Variants in DLG2 observed in about 807,000 individuals in gnomAD.
The protein encoded by DLG2 is disks large homolog 2.
DLG2 carries 45 observed loss-of-function variants against 132.5 expected under a neutral mutation model. The ratio of observed to expected loss-of-function variants is 0.34; its 90% CI spans 0.27 to 0.44. The LOEUF is 0.44. DLG2 is among the 20% of genes least tolerant of loss of function. DLG2 has a pLI of 1.00. For synonymous variants in DLG2, 424 were observed against 419.6 expected, an observed-to-expected ratio of 1.01 and a Z score of -0.13; for missense variants, 1,045 against 1,196.9, an observed-to-expected ratio of 0.87 and a Z score of 1.87.
chr11:84,204,607 A>G (rs947788691), intron 8 of DLG2, among the ~76,000 whole-genome samples: 3 of 152,238 alleles, frequency 2.0e-5, no homozygotes, highest in Non-Finnish European at 4.4e-5. Context: ...TATTATTTAT[A>G]TTAAATGCAA....
chr11:85,178,081 C>T (rs1405117882), intron 4 of DLG2, among the ~76,000 whole-genome samples: 3 of 151,926 alleles, frequency 2.0e-5, no homozygotes, highest in East Asian at 1.9e-4. Flanking sequence ...AGAGCCTGGA[C>T]CAGCAAATTT....
rs1213298818 is a variant in DLG2, at chr11:84,844,105, T to TTG, written c.357+267554_357+267555dup. On this transcript the variant is annotated intron_variant, in intron 6 of 27. Coordinates refer to ENST00000376104, the MANE Select transcript of DLG2 (RefSeq NM_001142699.3). The stretch of plus-strand genomic sequence containing the variant: ...TGTGTGTATATATATATATATATGT[T>TTG]TGTGTGTGTGTGTGTGTGTGTGTGT... Among the ~76,000 whole-genome samples the TTG allele has an allele frequency of 3.0e-3, 246 of 80,906 alleles. 4 individuals carry two copies. In the East Asian group the frequency reaches 0.033, roughly 11 times the overall value. 53.1% of individuals were successfully genotyped at this position (80,906 alleles called of 152,430 possible). A position where few individuals can be genotyped will look rare whatever the true frequency, so the allele number is the denominator to read the frequency against.
At chr11:84,442,647 C>T (rs1443846323) in intron 7 of DLG2, among the ~76,000 whole-genome samples, 1 of 151,534 alleles carries the variant, frequency 6.6e-6, no homozygotes, top group Non-Finnish European at 1.5e-5. Context: ...ACTTGCACAC[C>T]TATCTAACAA....
At chr11:85,065,169 T>C (rs1458687407) in intron 6 of DLG2, among the ~76,000 whole-genome samples, 1 of 151,444 alleles carries the variant, frequency 6.6e-6, no homozygotes, top group African/African-American at 2.4e-5. Flanking sequence ...GTATGTCCTC[T>C]ACTGTGTATC....
chr11:84,814,382 C>G (rs1454466210), intron 6 of DLG2, among the ~76,000 whole-genome samples: 1 of 152,072 alleles, frequency 6.6e-6, no homozygotes, highest in African/African-American at 2.4e-5. Flanking sequence ...CTCTAGATCA[C>G]TGGATTTCAG....
intron 6 of DLG2, among the ~76,000 whole-genome samples, chr11:84,858,546 A>T (rs1054463803): frequency 1.3e-5 from 2 of 152,068 alleles, no homozygotes; most frequent in African/African-American, 4.8e-5. Context: ...ATTGTCTCAT[A>T]TCTTATTTCT....
chr11:83,579,450 C>G (rs1291686142), intron 19 of DLG2, among the ~76,000 whole-genome samples: 1 of 152,116 alleles, frequency 6.6e-6, no homozygotes, highest in African/African-American at 2.4e-5. Context: ...TCGCCACATT[C>G]CTGTGACTGT....
intron 3 of DLG2, among the ~76,000 whole-genome samples, chr11:85,564,543 A>T (rs569806206): frequency 6.6e-6 from 1 of 152,016 alleles, no homozygotes; most frequent in African/African-American, 2.4e-5. Context: ...GTATTTTGCC[A>T]CTTTTGTCAA....
chr11:84,066,481 C>T (rs948522559), intron 10 of DLG2, among the ~76,000 whole-genome samples: 9 of 152,106 alleles, frequency 5.9e-5, no homozygotes, highest in African/African-American at 9.7e-5. Context: ...TGTTTGGGGC[C>T]GGGAGCGATG....
chr11:83,496,839 C>T (rs2094172098), intron 21 of DLG2, among the ~76,000 whole-genome samples: 1 of 152,150 alleles, frequency 6.6e-6, no homozygotes, highest in Non-Finnish European at 1.5e-5. Context: ...ACTGTATTTC[C>T]AGCCCATGCT....
intron 6 of DLG2, among the ~76,000 whole-genome samples, chr11:84,541,905 A>C (rs1591949077): frequency 6.6e-6 from 1 of 152,262 alleles, no homozygotes; most frequent in South Asian, 2.1e-4. Flanking sequence ...AACCATCCTG[A>C]GTTTCCCAGA....
intron 7 of DLG2, among the ~76,000 whole-genome samples, chr11:84,454,546 T>C (rs2154482048): frequency 6.6e-6 from 1 of 151,588 alleles, no homozygotes; most frequent in East Asian, 1.9e-4. Context: ...ACCCAAATTT[T>C]ATAATAGCTG....
At chr11:84,502,318 CTTTCTTTCTTTCTTTCTTT>C (rs2099217485) in intron 7 of DLG2, among the ~76,000 whole-genome samples, 1 of 9,200 alleles carries the variant, frequency 1.1e-4, no homozygotes, top group Admixed American at 1.2e-3. Context: ...TTCTTTCTTT[CTTTCTTTCTTTCTTTCTTT>C]CTTTCTTTCT....
chr11:84,537,387 T>C lies in DLG2; in HGVS notation c.358-2656A>G, dbSNP rs540999875. ...TCCCAAAGTGCTAGGATTACAGGCGTGAGCCACCGCACCCAGCCCTGAATT... is the reference window on the plus strand; with the variant it reads ...TCCCAAAGTGCTAGGATTACAGGCGCGAGCCACCGCACCCAGCCCTGAATT... On this transcript the variant is annotated intron_variant, in intron 6 of 27. Transcript: ENST00000376104. 2.6e-5 allele frequency among the ~76,000 whole-genome samples: 4 copies of C among 152,290 alleles called. No homozygotes were observed. The South Asian group carries it at 8.3e-4, about 32-fold the overall frequency.
intron 6 of DLG2, among the ~76,000 whole-genome samples, chr11:85,078,837 T>C (rs1338882635): frequency 3.9e-5 from 6 of 152,084 alleles, no homozygotes; most frequent in Admixed American, 2.6e-4. Context: ...TTTGTCATAG[T>C]AGTAGAAACA....
intron 3 of DLG2, among the ~76,000 whole-genome samples, chr11:85,414,562 T>C (rs562344994): frequency 6.6e-6 from 1 of 152,126 alleles, no homozygotes; most frequent in Non-Finnish European, 1.5e-5. Flanking sequence ...GAATAGAATG[T>C]ATATTCTGCG....
At chr11:83,691,095 G>T (rs1446142117) in intron 18 of DLG2, among the ~76,000 whole-genome samples, 1 of 152,160 alleles carries the variant, frequency 6.6e-6, no homozygotes, top group African/African-American at 2.4e-5. Flanking sequence ...ATGGCTCTAA[G>T]TCATGGTTCC....
chr11:84,423,057 TAGTC>T (rs1174794283), intron 7 of DLG2, among the ~76,000 whole-genome samples: 1 of 152,148 alleles, frequency 6.6e-6, no homozygotes, highest in African/African-American at 2.4e-5. Context: ...TATTGTAAAT[TAGTC>T]AGCACATTTT....
At chr11:85,533,514 T>A (rs1249141688) in intron 3 of DLG2, among the ~76,000 whole-genome samples, 2 of 151,092 alleles carry the variant, frequency 1.3e-5, no homozygotes, top group African/African-American at 4.9e-5. Context: ...CCAGGGTGTA[T>A]ACGTACTACA....
Sources: allele counts gnomAD v4.1 joint callset (sites outside exome capture counted in the v4.1 genomes callset), GRCh38; gene constraint gnomAD v4.1.1; transcripts MANE v1.5; gene names NCBI Gene and HGNC (gene_info 2026-07-23, HGNC 2026-07-21).